Variants in PRKD1 observed in about 807,000 individuals in gnomAD.
PRKD1 encodes the protein serine/threonine-protein kinase D1.
In PRKD1, 63 loss-of-function variants were observed where a neutral mutation model predicts 95.9. The observed-to-expected ratio is 0.66, with a 90% confidence interval of 0.54 to 0.81. PRKD1 has a LOEUF of 0.81. Ranked by LOEUF, PRKD1 falls within the 30% of genes least tolerant of loss-of-function variation. PRKD1 has a pLI of 0.00. For synonymous variants in PRKD1, 425 were observed against 423.1 expected, an observed-to-expected ratio of 1.00 and a Z score of -0.05; for missense variants, 1,048 against 1,165.3, an observed-to-expected ratio of 0.90 and a Z score of 1.47.
At position 29,645,927 on chromosome 14, in the gene PRKD1, T is replaced by C. The variant is rs144878866; in HGVS notation, c.697-7023A>G. Among the ~76,000 whole-genome samples the C allele has an allele frequency of 1.4e-4, 21 of 152,286 alleles. No homozygotes were observed. In the East Asian group the frequency reaches 4.1e-3, roughly 29 times the overall value. ...CAAAGTCATTAAAGCAGCATGCAAC[T>C]GTATTATTTACCTCTTATTTGTTTA... On this transcript the variant is annotated intron_variant, in intron 4 of 17. Coordinates refer to ENST00000331968, the MANE Select transcript of PRKD1 (RefSeq NM_002742.3).
chr14:29,879,420 T>C (rs8003218), intron 1 of PRKD1, among the ~76,000 whole-genome samples: 7,935 of 152,274 alleles, frequency 0.052, 713 homozygotes, highest in African/African-American at 0.18. Flanking sequence ...TTTCTCTTGC[T>C]GCCACCACGT....
chr14:29,832,839 C>T (rs1384720102), intron 1 of PRKD1, among the ~76,000 whole-genome samples: 1 of 152,022 alleles, frequency 6.6e-6, no homozygotes, highest in Non-Finnish European at 1.5e-5. Context: ...TAACAAGGCT[C>T]CCAGTGACGT....
chr14:29,709,264 T>C (rs1044374468), intron 2 of PRKD1, among the ~76,000 whole-genome samples: 1 of 152,140 alleles, frequency 6.6e-6, no homozygotes, highest in African/African-American at 2.4e-5. Flanking sequence ...TAGAAAAATA[T>C]AGAAGAATTA....
At chr14:29,590,735 C>G (rs917476698) in intron 16 of PRKD1, among the ~76,000 whole-genome samples, 2 of 152,058 alleles carry the variant, frequency 1.3e-5, no homozygotes, top group African/African-American at 4.8e-5. Flanking sequence ...AAACCTATAC[C>G]CAAAGGAGAA....
chr14:29,601,588 G>A (rs187413684), intron 13 of PRKD1, among the ~76,000 whole-genome samples: 1 of 152,326 alleles, frequency 6.6e-6, no homozygotes, highest in Non-Finnish European at 1.5e-5. Flanking sequence ...GAAGCACATG[G>A]AGATAGTTGG....
intron 1 of PRKD1, among the ~76,000 whole-genome samples, chr14:29,807,951 G>A (rs188072110): frequency 1.3e-5 from 2 of 152,024 alleles, no homozygotes; most frequent in Non-Finnish European, 1.5e-5. Flanking sequence ...CGAACTCCTA[G>A]CCTCAAGTGA....
At chr14:29,772,961 T>C (rs1476215667) in intron 1 of PRKD1, among the ~76,000 whole-genome samples, 1 of 152,254 alleles carries the variant, frequency 6.6e-6, no homozygotes, top group Non-Finnish European at 1.5e-5. Context: ...CTAGTTGTTT[T>C]GGCTCATTTT....
chr14:29,663,105 A>T (rs1199345514), intron 4 of PRKD1, among the ~76,000 whole-genome samples: 1 of 145,320 alleles, frequency 6.9e-6, no homozygotes, highest in Non-Finnish European at 1.5e-5. Flanking sequence ...AATATATATA[A>T]TATATAAAAA....
At chr14:29,918,759 T>C (rs761499251) in intron 1 of PRKD1, among the ~76,000 whole-genome samples, 3 of 152,178 alleles carry the variant, frequency 2.0e-5, no homozygotes, top group Non-Finnish European at 4.4e-5. Context: ...AATAAAAATG[T>C]TCATGATTAC....
At chr14:29,793,648 G>A (rs956059061) in intron 1 of PRKD1, among the ~76,000 whole-genome samples, 1 of 151,836 alleles carries the variant, frequency 6.6e-6, no homozygotes, top group Non-Finnish European at 1.5e-5. Flanking sequence ...AGAGATGAGC[G>A]CAAGTTTTTT....
intron 2 of PRKD1, among the ~76,000 whole-genome samples, chr14:29,674,683 C>A (rs748347662): frequency 3.3e-5 from 5 of 152,122 alleles, no homozygotes; most frequent in Non-Finnish European, 7.3e-5. Context: ...AGGCTTTATA[C>A]CTTTAAAAGG....
At chr14:29,623,598 T>C (rs572978495) in intron 13 of PRKD1, among the ~76,000 whole-genome samples, 1 of 152,346 alleles carries the variant, frequency 6.6e-6, no homozygotes, top group Admixed American at 6.5e-5. Flanking sequence ...AAAAATTACC[T>C]TTATCACATA....
At chr14:29,581,221 T>C (rs4981707) in intron 16 of PRKD1, among the ~76,000 whole-genome samples, 80,293 of 151,832 alleles carry the variant, frequency 0.53, 21,698 homozygotes, top group Non-Finnish European at 0.6. Flanking sequence ...AGTCCTCCTG[T>C]ACACCTCGAT....
chr14:29,787,388 G>T (rs1469692507), intron 1 of PRKD1, among the ~76,000 whole-genome samples: 2 of 151,920 alleles, frequency 1.3e-5, no homozygotes, highest in African/African-American at 4.8e-5. Flanking sequence ...TTACTTTGCT[G>T]ATTTTCACTC....
intron 1 of PRKD1, among the ~76,000 whole-genome samples, chr14:29,767,304 T>A (rs1888299533): frequency 6.6e-6 from 1 of 152,176 alleles, no homozygotes; most frequent in Non-Finnish European, 1.5e-5. Context: ...TGAATATGTA[T>A]CCAGCTTGAA....
chr14:29,924,610 A>G (rs1311155937), intron 1 of PRKD1, among the ~76,000 whole-genome samples: 2 of 152,220 alleles, frequency 1.3e-5, no homozygotes, highest in Admixed American at 1.3e-4. Context: ...ACTCAGAAAG[A>G]TCAGGAGAAC....
chr14:29,697,408 TACA>T (rs1566545797), intron 2 of PRKD1, among the ~76,000 whole-genome samples: 2 of 152,210 alleles, frequency 1.3e-5, no homozygotes, highest in African/African-American at 2.4e-5. Context: ...TGAATACATG[TACA>T]CAAGATTAAA....
intron 15 of PRKD1, 64 bp from the exon 16 acceptor site, chr14:29,597,822 A>G: frequency 6.9e-7 from 1 of 1,447,752 alleles, no homozygotes. Flanking sequence ...GTCTTAGTTC[A>G]GATTCACCAG....
chr14:29,737,278 C>A (rs1471993051), intron 1 of PRKD1, among the ~76,000 whole-genome samples: 1 of 130,616 alleles, frequency 7.7e-6, no homozygotes, highest in Non-Finnish European at 1.6e-5. Flanking sequence ...GCCGAGATTG[C>A]GCCACTGCAG....
Sources: allele counts gnomAD v4.1 joint callset (sites outside exome capture counted in the v4.1 genomes callset), GRCh38; gene constraint gnomAD v4.1.1; transcripts MANE v1.5; gene names NCBI Gene and HGNC (gene_info 2026-07-23, HGNC 2026-07-21).